XPR1: variants seen among roughly 807,000 people sequenced by gnomAD.
XPR1 encodes solute carrier family 53 member 1.
A neutral mutation model predicts 87.5 loss-of-function variants in XPR1; 28 were observed. That is an observed-to-expected ratio of 0.32 (90% CI 0.24 to 0.44). The LOEUF is 0.44. Among genes scored for constraint, XPR1 ranks in the 20% least tolerant of loss-of-function variants. The pLI is 1.00. For synonymous variants in XPR1, 300 were observed against 306.1 expected, an observed-to-expected ratio of 0.98 and a Z score of 0.21; for missense variants, 559 against 862.3, an observed-to-expected ratio of 0.65 and a Z score of 4.41.
At chr1:180,717,190 A>C (rs1183384403) in intron 2 of XPR1, among the ~76,000 whole-genome samples, 11 of 152,094 alleles carry the variant, frequency 7.2e-5, no homozygotes, top group Non-Finnish European at 1.5e-4. Context: ...AAGGTGTTTC[A>C]CCATGTTGGT....
At chr1:180,670,614 T>C (rs1046100099) in intron 1 of XPR1, among the ~76,000 whole-genome samples, 5 of 152,228 alleles carry the variant, frequency 3.3e-5, no homozygotes, top group Non-Finnish European at 7.3e-5. Context: ...TCTTAAATCA[T>C]GTAGAAAATA....
chr1:180,705,117 A>G (rs1408251749), intron 2 of XPR1, among the ~76,000 whole-genome samples: 1 of 152,116 alleles, frequency 6.6e-6, no homozygotes, highest in Non-Finnish European at 1.5e-5. Flanking sequence ...AGCATTAAGT[A>G]ATACTCTTAG....
chr1:180,704,822 T>TG lies in XPR1; in HGVS notation c.121+22411_121+22412insG, dbSNP rs1324833523. On this transcript the variant is annotated intron_variant, in intron 2 of 14. Coordinates refer to ENST00000367590, the MANE Select transcript of XPR1 (RefSeq NM_004736.4). ...TCCAGGGACTGTTGGTTGTTTTTTT[T>TG]TTTTTTTTTTTTTTTTTAAGTAATA... 4.1e-3 allele frequency among the ~76,000 whole-genome samples: 584 copies of TG among 143,586 alleles called. 9 individuals are homozygous for TG. The highest frequency in any genetic ancestry group is 0.014 in the African/African-American group (565 of 39,362). The allele number at this position is 143,586 out of a possible 152,430, so 94.2% of individuals were successfully genotyped here. A position where few individuals can be genotyped will look rare whatever the true frequency, so the allele number is the denominator to read the frequency against.
At chr1:180,791,984 C>T (rs1247629889) in intron 3 of XPR1, among the ~76,000 whole-genome samples, 3 of 152,212 alleles carry the variant, frequency 2.0e-5, no homozygotes, top group African/African-American at 7.2e-5. Flanking sequence ...TTGATGTCCT[C>T]ACTGGTACAA....
intron 14 of XPR1, among the ~76,000 whole-genome samples, chr1:180,881,836 G>A (rs1249553582): frequency 6.6e-6 from 1 of 152,126 alleles, no homozygotes; most frequent in Non-Finnish European, 1.5e-5. Flanking sequence ...CTCAACCATA[G>A]TAGCCAGGGA....
At chr1:180,790,341 G>A (rs1261383233) in intron 3 of XPR1, among the ~76,000 whole-genome samples, 5 of 151,392 alleles carry the variant, frequency 3.3e-5, no homozygotes, top group Non-Finnish European at 5.9e-5. Context: ...AATCTCCTTA[G>A]CAAGTCATTC....
intron 1 of XPR1, among the ~76,000 whole-genome samples, chr1:180,646,760 A>G (rs1374104394): frequency 2.0e-5 from 3 of 152,160 alleles, no homozygotes; most frequent in East Asian, 1.9e-4. Context: ...AGTGCAGGAA[A>G]GAGGCGTGGG....
At chr1:180,692,889 T>C (rs1192046044) in intron 2 of XPR1, among the ~76,000 whole-genome samples, 1 of 151,972 alleles carries the variant, frequency 6.6e-6, no homozygotes, top group Non-Finnish European at 1.5e-5. Context: ...TAAACACGGG[T>C]TTATAATCCT....
At chr1:180,664,993 T>C (rs1051171324) in intron 1 of XPR1, among the ~76,000 whole-genome samples, 2 of 152,222 alleles carry the variant, frequency 1.3e-5, no homozygotes, top group Non-Finnish European at 2.9e-5. Flanking sequence ...TAATGCTCAC[T>C]TGCCCACCTC....
intron 2 of XPR1, among the ~76,000 whole-genome samples, chr1:180,782,047 C>G (rs1162607115): frequency 6.6e-6 from 1 of 151,990 alleles, no homozygotes; most frequent in Non-Finnish European, 1.5e-5. Flanking sequence ...AACTGTGTGT[C>G]TCTATTTTAG....
intron 1 of XPR1, among the ~76,000 whole-genome samples, chr1:180,676,310 T>A (rs1351183495): frequency 6.6e-6 from 1 of 152,210 alleles, no homozygotes; most frequent in East Asian, 1.9e-4. Context: ...CCTGACAGCA[T>A]TATTTAATTT....
chr1:180,878,196 A>G (rs1278791471), intron 13 of XPR1: 1 of 152,220 alleles, frequency 6.6e-6, no homozygotes, highest in Non-Finnish European at 1.5e-5. Flanking sequence ...AATTCTAGTA[A>G]AAAAAGAAAA....
At chr1:180,727,566 C>T (rs187517772) in intron 2 of XPR1, among the ~76,000 whole-genome samples, 4 of 152,118 alleles carry the variant, frequency 2.6e-5, no homozygotes, top group Non-Finnish European at 5.9e-5. Flanking sequence ...ATCACTTGAA[C>T]CCAGGAGGCA....
At chr1:180,682,963 T>C (rs1302702557) in intron 2 of XPR1, among the ~76,000 whole-genome samples, 1 of 152,070 alleles carries the variant, frequency 6.6e-6, no homozygotes, top group Non-Finnish European at 1.5e-5. Context: ...TATTCTTTTT[T>C]ATTTTATTTT....
chr1:180,763,122 A>G (rs1055628705), intron 2 of XPR1, among the ~76,000 whole-genome samples: 2 of 152,190 alleles, frequency 1.3e-5, no homozygotes, highest in Non-Finnish European at 2.9e-5. Flanking sequence ...TTCCCCTCAA[A>G]TGTTCATTAA....
chr1:180,709,856 G>A (rs927557797), intron 2 of XPR1, among the ~76,000 whole-genome samples: 1 of 149,352 alleles, frequency 6.7e-6, no homozygotes, highest in East Asian at 1.9e-4. Context: ...TGAAAAATTG[G>A]GTTGTTTTTC....
At chr1:180,648,620 C>T (rs1655195693) in intron 1 of XPR1, among the ~76,000 whole-genome samples, 1 of 152,298 alleles carries the variant, frequency 6.6e-6, no homozygotes, top group African/African-American at 2.4e-5. Context: ...GATTCCCCTG[C>T]CTCAGCCTCC....
At chr1:180,672,105 A>G (rs1199335949) in intron 1 of XPR1, among the ~76,000 whole-genome samples, 2 of 152,212 alleles carry the variant, frequency 1.3e-5, no homozygotes, top group African/African-American at 4.8e-5. Context: ...ATGTCAATAG[A>G]TGTCAGAGAA....
Position 180,787,870 on chromosome 1 carries a change from A to AC in XPR1, c.223+17dup. The AC allele has an allele frequency of 6.4e-7, 1 of 1,563,436 alleles. No homozygotes were observed. The highest frequency in any genetic ancestry group is 8.7e-7 in the Non-Finnish European group (1 of 1,146,136). ...TTTTATTCAGGTGAGTAATTAAGAG[A>AC]CTTTTTTTTTTGCTGCCGGGGAAGG... On this transcript the variant is annotated intron_variant, in intron 3 of 14. Coordinates refer to ENST00000367590, the MANE Select transcript of XPR1 (RefSeq NM_004736.4).
Sources: gnomAD v4.1 joint callset for allele counts (sites outside exome capture counted in the v4.1 genomes callset) on GRCh38, gnomAD v4.1.1 for gene constraint, MANE v1.5 for transcripts, NCBI Gene and HGNC (gene_info 2026-07-23, HGNC 2026-07-21) for gene names.